Variants in MOSPD2 observed in about 807,000 individuals in gnomAD.
MOSPD2 encodes the protein motile sperm domain containing 2.
Under a neutral mutation model 41.7 loss-of-function variants are expected in MOSPD2, and 5 were observed. That is an observed-to-expected ratio of 0.12 (90% CI 0.06 to 0.25). MOSPD2 has a LOEUF of 0.25. Among genes scored for constraint, MOSPD2 ranks in the 10% least tolerant of loss-of-function variants. The probability of loss-of-function intolerance (pLI) is 1.00; values close to 1 mark genes in which losing one functional copy is unlikely to be tolerated. For synonymous variants in MOSPD2, 115 were observed against 126.9 expected, an observed-to-expected ratio of 0.91 and a Z score of 0.63; for missense variants, 282 against 375.2, an observed-to-expected ratio of 0.75 and a Z score of 2.05.
chrX:14,887,571 C>T (rs1001440332), intron 2 of MOSPD2, among the ~76,000 whole-genome samples: 6 of 111,614 alleles, frequency 5.4e-5, no homozygotes, highest in Admixed American at 4.7e-4. Context: ...CATTGTTAGC[C>T]TTAAAACACA....
intron 2 of MOSPD2, among the ~76,000 whole-genome samples, chrX:14,878,409 T>C (rs1384630972): frequency 8.9e-6 from 1 of 112,568 alleles, no homozygotes; most frequent in Non-Finnish European, 1.9e-5. Context: ...ATGGTTGTTT[T>C]AGTTTGCTTT....
intron 7 of MOSPD2, among the ~76,000 whole-genome samples, chrX:14,908,274 A>C (rs1000451219): frequency 4.5e-5 from 5 of 111,812 alleles, no homozygotes; most frequent in Non-Finnish European, 7.5e-5. Flanking sequence ...TGTCTCAAAA[A>C]AAATTTAAAA....
chrX:14,911,092 C>A, intron 8 of MOSPD2, 145 bp from the exon 9 acceptor site: 4 of 519,942 alleles, frequency 7.7e-6, no homozygotes, highest in Admixed American at 3.7e-5. Context: ...CTTTTTCTTT[C>A]TGGTTTGAAA....
intron 3 of MOSPD2, among the ~76,000 whole-genome samples, chrX:14,894,778 T>C: frequency 9.0e-6 from 1 of 111,117 alleles, no homozygotes; most frequent in Non-Finnish European, 1.9e-5. Context: ...TTTTCCACTT[T>C]CCTAAAGGTT....
chrX:14,911,113 A>T, intron 8 of MOSPD2, 124 bp from the exon 9 acceptor site: 2 of 594,195 alleles, frequency 3.4e-6, no homozygotes, highest in Non-Finnish European at 2.6e-6. Flanking sequence ...TGCTTCCTTT[A>T]TTTTAAATTT....
At chrX:14,875,476 C>T (rs2092518354) in intron 2 of MOSPD2, among the ~76,000 whole-genome samples, 1 of 111,895 alleles carries the variant, frequency 8.9e-6, no homozygotes, top group Admixed American at 9.4e-5. Context: ...TATGTTGCAA[C>T]CCAGGACAAA....
intron 2 of MOSPD2, among the ~76,000 whole-genome samples, chrX:14,891,500 A>T (rs1393481348): frequency 1.5e-4 from 16 of 104,861 alleles, no homozygotes; most frequent in Admixed American, 2.0e-4. Context: ...TACTTAGTTA[A>T]TTTTTTTTTT....
chrX:14,916,409 CCTTT>C, intron 13 of MOSPD2, 83 bp downstream of exon 13: 2 of 1,168,820 alleles, frequency 1.7e-6, no homozygotes, highest in East Asian at 6.1e-5. Context: ...AGGTGGCCTC[CCTTT>C]CTTCTTGCAT....
chrX:14,911,183 A>C, intron 8 of MOSPD2, 54 bp from the exon 9 acceptor site: 1 of 1,001,829 alleles, frequency 1.0e-6, no homozygotes, highest in South Asian at 2.2e-5. Context: ...CTACTAAGAG[A>C]GTTATTTCTC....
chrX:14,908,741 A>G, intron 7 of MOSPD2, 119 bp from the exon 8 acceptor site: 1 of 630,843 alleles, frequency 1.6e-6, no homozygotes, highest in Non-Finnish European at 2.3e-6. Flanking sequence ...TCACGTAAAG[A>G]TAAATATTAA....
intron 2 of MOSPD2, among the ~76,000 whole-genome samples, chrX:14,891,459 A>C (rs2092553557): frequency 9.0e-6 from 1 of 111,388 alleles, no homozygotes; most frequent in Admixed American, 9.5e-5. Context: ...TAAATACCGT[A>C]ATATGGCATA....
At chrX:14,882,396 A>G (rs2092533035) in intron 2 of MOSPD2, among the ~76,000 whole-genome samples, 1 of 111,587 alleles carries the variant, frequency 9.0e-6, no homozygotes, top group African/African-American at 3.3e-5. Context: ...CAAAATTTCA[A>G]TCAGACAGGA....
chrX:14,915,565 AAT>A, intron 11 of MOSPD2, 101 bp from the exon 12 acceptor site: 1 of 396,914 alleles, frequency 2.5e-6, no homozygotes. Flanking sequence ...AAATAAAAAA[AAT>A]AAAAATAAAA....
At chrX:14,890,942 G>C (rs1225559462) in intron 2 of MOSPD2, among the ~76,000 whole-genome samples, 1 of 111,805 alleles carries the variant, frequency 8.9e-6, no homozygotes, top group African/African-American at 3.3e-5. Flanking sequence ...AACCTTAGGA[G>C]GGTATGACAA....
At chrX:14,890,961 A>C (rs759471173) in intron 2 of MOSPD2, among the ~76,000 whole-genome samples, 1 of 112,177 alleles carries the variant, frequency 8.9e-6, no homozygotes, top group South Asian at 3.7e-4. Context: ...AACTGAGAAA[A>C]AAATGAGAAG....
chrX:14,898,766 C>G (rs1025523296), intron 5 of MOSPD2, among the ~76,000 whole-genome samples: 29 of 111,314 alleles, frequency 2.6e-4, no homozygotes, highest in African/African-American at 8.1e-4. Context: ...TTTTTTCAAG[C>G]TACTTATATC....
At chrX:14,880,687 C>G (rs1569099215) in intron 2 of MOSPD2, among the ~76,000 whole-genome samples, 2 of 111,933 alleles carry the variant, frequency 1.8e-5, no homozygotes, top group African/African-American at 6.5e-5. Flanking sequence ...TAGTTCCCAT[C>G]ATGATTGATG....
chrX:14,899,504 A>G (rs1032432843), intron 5 of MOSPD2, among the ~76,000 whole-genome samples: 1 of 79,493 alleles, frequency 1.3e-5, no homozygotes, highest in African/African-American at 4.3e-5. Context: ...GATTAGTTAC[A>G]AAGGTATTAT....
intron 5 of MOSPD2, among the ~76,000 whole-genome samples, chrX:14,900,166 A>G (rs1036264685): frequency 1.8e-5 from 2 of 112,259 alleles, no homozygotes; most frequent in African/African-American, 6.5e-5. Context: ...ATTTACATAC[A>G]TGTGTATTAT....
Sources: allele counts gnomAD v4.1 joint callset (sites outside exome capture counted in the v4.1 genomes callset), GRCh38; gene constraint gnomAD v4.1.1; transcripts MANE v1.5; gene names NCBI Gene and HGNC (gene_info 2026-07-23, HGNC 2026-07-21).